CTNNA2: variants seen among roughly 807,000 people sequenced by gnomAD.
The protein encoded by CTNNA2 is catenin alpha 2.
Under a neutral mutation model 101.0 loss-of-function variants are expected in CTNNA2, and 42 were observed. That is an observed-to-expected ratio of 0.42 (90% CI 0.32 to 0.54). The LOEUF is 0.54. Ranked by LOEUF, CTNNA2 falls within the 20% of genes least tolerant of loss-of-function variation. CTNNA2 has a pLI of 0.14. For synonymous variants in CTNNA2, 450 were observed against 456.4 expected (o/e 0.99, Z 0.18); for missense variants, 871 against 1,223.1 (o/e 0.71, Z 4.29).
chr2:80,199,513 G>C (rs904121879), intron 7 of CTNNA2, among the ~76,000 whole-genome samples: 2 of 152,188 alleles, frequency 1.3e-5, no homozygotes, highest in African/African-American at 4.8e-5. Flanking sequence ...CTGTTAATAA[G>C]TCAGCTGTCA....
intron 4 of CTNNA2, among the ~76,000 whole-genome samples, chr2:79,403,996 T>C (rs1678315313): frequency 6.6e-6 from 1 of 151,722 alleles, no homozygotes; most frequent in Non-Finnish European, 1.5e-5. Context: ...TTTGAGCTAG[T>C]TCAGTAGGTC....
intron 2 of CTNNA2, among the ~76,000 whole-genome samples, chr2:79,219,228 T>C (rs1226615691): frequency 6.6e-6 from 1 of 152,254 alleles, no homozygotes; most frequent in Non-Finnish European, 1.5e-5. Flanking sequence ...ATTCTGTTGC[T>C]GAACATTTAA....
At chr2:79,944,364 A>G (rs1392229211) in intron 7 of CTNNA2, among the ~76,000 whole-genome samples, 1 of 152,234 alleles carries the variant, frequency 6.6e-6, no homozygotes, top group Admixed American at 6.5e-5. Flanking sequence ...TTAATTCAGT[A>G]AACAAGTCAT....
In CTNNA2 at chr2:79,498,639, A is replaced by G. The variant is rs977107899; in HGVS notation, c.-134-6415A>G. 4.6e-5 allele frequency among the ~76,000 whole-genome samples: 7 copies of G among 151,990 alleles called. No individual in the cohort carries two copies. The South Asian group carries it at 1.2e-3, about 27-fold the overall frequency. On this transcript the variant is annotated intron_variant, in intron 4 of 21. Transcript: ENST00000466387. ...CAAGGACACCATAACTTTCATAATTACCCCCAGATTAAATTCTATCTGCAT... is the reference window on the plus strand; with the variant it reads ...CAAGGACACCATAACTTTCATAATTGCCCCCAGATTAAATTCTATCTGCAT...
At chr2:79,256,445 T>C (rs1273482403) in intron 2 of CTNNA2, among the ~76,000 whole-genome samples, 1 of 151,916 alleles carries the variant, frequency 6.6e-6, no homozygotes, top group Non-Finnish European at 1.5e-5. Context: ...CTAATGACTA[T>C]GAAATGAATA....
chr2:79,573,116 TTATC>T (rs2103836768), intron 1 of CTNNA2, among the ~76,000 whole-genome samples: 1 of 152,312 alleles, frequency 6.6e-6, no homozygotes, highest in South Asian at 2.1e-4. Flanking sequence ...CTGGAAATCT[TTATC>T]TATTTTTTAA....
At chr2:79,651,153 C>A (rs1480836251) in intron 1 of CTNNA2, among the ~76,000 whole-genome samples, 1 of 152,160 alleles carries the variant, frequency 6.6e-6, no homozygotes, top group African/African-American at 2.4e-5. Context: ...TTAATCACAA[C>A]ATGTGTCACA....
At chr2:80,337,360 A>G (rs1671841341) in intron 7 of CTNNA2, among the ~76,000 whole-genome samples, 1 of 151,938 alleles carries the variant, frequency 6.6e-6, no homozygotes. Context: ...GTCTCAAAAA[A>G]AAACCAACCA....
intron 9 of CTNNA2, among the ~76,000 whole-genome samples, chr2:80,435,528 T>C (rs1031990019): frequency 6.6e-6 from 1 of 152,198 alleles, no homozygotes; most frequent in African/African-American, 2.4e-5. Context: ...TAGTAATACC[T>C]AATTAGGATT....
At chr2:79,567,270 A>G (rs528168840) in intron 1 of CTNNA2, among the ~76,000 whole-genome samples, 5 of 151,660 alleles carry the variant, frequency 3.3e-5, no homozygotes, top group Non-Finnish European at 7.4e-5. Flanking sequence ...CTCTTTGCCT[A>G]ATGGATTTTA....
chr2:79,635,542 C>T (rs543571367), intron 1 of CTNNA2, among the ~76,000 whole-genome samples: 3 of 151,378 alleles, frequency 2.0e-5, no homozygotes, highest in Non-Finnish European at 4.4e-5. Flanking sequence ...TCACTCTTGT[C>T]GCCCAGACTG....
intron 2 of CTNNA2, among the ~76,000 whole-genome samples, chr2:79,286,488 T>G (rs1471458282): frequency 4.6e-5 from 7 of 151,354 alleles, no homozygotes; most frequent in Non-Finnish European, 1.0e-4. Flanking sequence ...GTCTGTAAAG[T>G]ATTTTATTTC....
intron 4 of CTNNA2, among the ~76,000 whole-genome samples, chr2:79,381,051 A>ATTTTTTT (rs975721024): frequency 2.0e-5 from 3 of 152,184 alleles, no homozygotes; most frequent in Non-Finnish European, 4.4e-5. Flanking sequence ...TTTTTGTAGA[A>ATTTTTTT]TTTTTCGGGG....
chr2:79,381,283 G>A (rs367727713), intron 4 of CTNNA2, among the ~76,000 whole-genome samples: 14 of 152,148 alleles, frequency 9.2e-5, no homozygotes, highest in East Asian at 3.9e-4. Context: ...CAAAACTCAC[G>A]TAAATTAATA....
At chr2:79,336,748 A>G (rs1010323447) in intron 3 of CTNNA2, among the ~76,000 whole-genome samples, 2 of 152,148 alleles carry the variant, frequency 1.3e-5, no homozygotes, top group Admixed American at 6.5e-5. Context: ...AACTCACTCC[A>G]GGCCAACTGG....
At chr2:80,571,207 C>T (rs913711608) in intron 12 of CTNNA2, among the ~76,000 whole-genome samples, 3 of 152,124 alleles carry the variant, frequency 2.0e-5, no homozygotes, top group South Asian at 2.1e-4. Context: ...AGGTTGGGGT[C>T]TGAGCGGTGG....
intron 7 of CTNNA2, among the ~76,000 whole-genome samples, chr2:80,143,404 G>T (rs151067876): frequency 1.3e-5 from 2 of 152,236 alleles, no homozygotes; most frequent in South Asian, 4.2e-4. Flanking sequence ...CAATGTATCT[G>T]TCACCTCAAA....
At chr2:79,444,150 G>T (rs916303783) in intron 4 of CTNNA2, among the ~76,000 whole-genome samples, 9 of 152,030 alleles carry the variant, frequency 5.9e-5, no homozygotes, top group African/African-American at 2.2e-4. Context: ...GCAGCCTGGT[G>T]AGAGATCCTA....
intron 2 of CTNNA2, among the ~76,000 whole-genome samples, chr2:79,202,333 TTA>T (rs879805230): frequency 1.7e-4 from 18 of 105,536 alleles, no homozygotes; most frequent in Admixed American, 8.6e-4. Context: ...ACTTGTTTTT[TTA>T]TTTTTTTTAT....
Sources: allele counts gnomAD v4.1 joint callset (sites outside exome capture counted in the v4.1 genomes callset), GRCh38; gene constraint gnomAD v4.1.1; transcripts MANE v1.5; gene names NCBI Gene and HGNC (gene_info 2026-07-23, HGNC 2026-07-21).